Variants in CYRIB observed in about 807,000 individuals in gnomAD.
The protein encoded by CYRIB is CYFIP-related Rac1 interactor B.
CYRIB carries 8 observed loss-of-function variants against 44.2 expected under a neutral mutation model. That is an observed-to-expected ratio of 0.18 (90% CI 0.11 to 0.33). The LOEUF (loss-of-function observed/expected upper bound fraction) is 0.33, where lower values mean the gene tolerates loss of function less well. CYRIB is among the 10% of genes least tolerant of loss of function. The pLI is 1.00. For missense variants in CYRIB, 185 were observed against 382.8 expected (o/e 0.48, Z 4.31); for synonymous variants, 131 against 127.2 (o/e 1.03, Z -0.20).
intron 1 of CYRIB, among the ~76,000 whole-genome samples, chr8:129,989,939 C>T (rs1359048221): frequency 6.6e-6 from 1 of 151,958 alleles, no homozygotes; most frequent in African/African-American, 2.4e-5. Flanking sequence ...ATGATGGTTT[C>T]CAGCTTCATC....
In CYRIB at chr8:129,848,829, G is replaced by C. The variant is rs555184282; in HGVS notation, c.840+414C>G. On this transcript the variant is annotated intron_variant, in intron 10 of 11. Coordinates refer to ENST00000519824, the Ensembl canonical transcript of CYRIB. Reference sequence around the variant, plus strand: ...TCAAGTGATCCTCCTGCTTCAGCCTGCCAAAGTGCTTGGGCTACAGGCATG... The same window carrying C: ...TCAAGTGATCCTCCTGCTTCAGCCTCCCAAAGTGCTTGGGCTACAGGCATG... Among the ~76,000 whole-genome samples, 8 of 151,628 alleles carry C rather than the reference G, an allele frequency of 5.3e-5. No individual in the cohort carries two copies. The East Asian group carries it at 1.6e-3, about 29-fold the overall frequency.
intron 2 of CYRIB, among the ~76,000 whole-genome samples, chr8:129,963,208 G>T (rs1261898503): frequency 6.6e-6 from 1 of 152,176 alleles, no homozygotes; most frequent in African/African-American, 2.4e-5. Context: ...GTAAGCCTTG[G>T]CAACACTTTA....
At chr8:129,973,638 G>A (rs1349212126) in intron 1 of CYRIB, among the ~76,000 whole-genome samples, 1 of 152,132 alleles carries the variant, frequency 6.6e-6, no homozygotes, top group Non-Finnish European at 1.5e-5. Context: ...GCAGTGACCA[G>A]ACAGTGACTC....
intron 2 of CYRIB, among the ~76,000 whole-genome samples, chr8:129,963,742 A>G (rs1323238302): frequency 3.3e-5 from 5 of 152,164 alleles, no homozygotes. Flanking sequence ...CTCTGAGCCT[A>G]CAAAATACTG....
chr8:129,950,439 G>A (rs78675310), intron 2 of CYRIB, among the ~76,000 whole-genome samples: 10,181 of 152,196 alleles, frequency 0.067, 528 homozygotes, highest in East Asian at 0.26. Context: ...ACGTGGTGAC[G>A]TGCACCTGTA....
intron 1 of CYRIB, among the ~76,000 whole-genome samples, chr8:129,974,713 C>T (rs1192821460): frequency 6.7e-6 from 1 of 148,568 alleles, no homozygotes; most frequent in Non-Finnish European, 1.5e-5. Flanking sequence ...AAAAAAAAAT[C>T]ACAGATTTTT....
chr8:129,921,547 C>A (rs2083599751), intron 1 of CYRIB, among the ~76,000 whole-genome samples: 1 of 152,126 alleles, frequency 6.6e-6, no homozygotes, highest in South Asian at 2.1e-4. Context: ...CCTTAATCTC[C>A]CAGGATCACA....
At chr8:129,967,838 T>C (rs925170255) in intron 2 of CYRIB, among the ~76,000 whole-genome samples, 1 of 152,206 alleles carries the variant, frequency 6.6e-6, no homozygotes, top group African/African-American at 2.4e-5. Flanking sequence ...TGAAAGGACA[T>C]CTAATCCTTA....
At chr8:129,991,240 A>AGTTCT (rs1212512944) in intron 1 of CYRIB, among the ~76,000 whole-genome samples, 1 of 152,122 alleles carries the variant, frequency 6.6e-6, no homozygotes, top group Non-Finnish European at 1.5e-5. Context: ...CTAGGCCCTA[A>AGTTCT]CACAGTGCCT....
chr8:129,964,469 T>C (rs188608624), intron 2 of CYRIB, among the ~76,000 whole-genome samples: 1 of 152,298 alleles, frequency 6.6e-6, no homozygotes, highest in African/African-American at 2.4e-5. Context: ...AACTCAGATT[T>C]CTATGAAGCA....
rs117505870 is a variant in CYRIB, at chr8:129,860,194, C to T, written c.301+2035G>A. ...CATGATGGGACACACACCACGAGAC[C>T]GATTAATTCCCATGGTAAAAATATA... On this transcript the variant is annotated intron_variant, in intron 5 of 11. Coordinates refer to ENST00000519824, the Ensembl canonical transcript of CYRIB. 5.6e-3 allele frequency among the ~76,000 whole-genome samples: 859 copies of T among 152,230 alleles called. 3 individuals carry two copies. The highest frequency in any genetic ancestry group is 0.024 in the Middle Eastern group (7 of 294).
At chr8:129,923,830 T>C (rs763350159) in intron 1 of CYRIB, among the ~76,000 whole-genome samples, 13 of 150,322 alleles carry the variant, frequency 8.6e-5, no homozygotes, top group African/African-American at 1.2e-4. Context: ...AGGGAATATT[T>C]GCTTTAAGGA....
intron 1 of CYRIB, among the ~76,000 whole-genome samples, chr8:129,922,109 T>C (rs1446869980): frequency 6.6e-6 from 1 of 152,212 alleles, no homozygotes; most frequent in African/African-American, 2.4e-5. Context: ...GGTAACATAA[T>C]CTGGGCAGTA....
intron 3 of CYRIB, among the ~76,000 whole-genome samples, chr8:129,879,079 G>GTA (rs2060053774): frequency 1.3e-5 from 2 of 152,240 alleles, no homozygotes; most frequent in Non-Finnish European, 2.9e-5. Flanking sequence ...TCTTGAGGTA[G>GTA]TACTTGTCCT....
chr8:129,987,556 C>CT (rs35721101), intron 1 of CYRIB, among the ~76,000 whole-genome samples: 155 of 140,816 alleles, frequency 1.1e-3, no homozygotes, highest in South Asian at 4.0e-3. Flanking sequence ...TTTTTCTTGT[C>CT]TTTTTTTTTT....
intron 11 of CYRIB, among the ~76,000 whole-genome samples, chr8:129,845,912 G>GGT (rs1256512874): frequency 1.3e-5 from 2 of 152,212 alleles, no homozygotes; most frequent in Non-Finnish European, 2.9e-5. Flanking sequence ...GGGAGGCCAA[G>GGT]GTGGGTGGAT....
intron 7 of CYRIB, among the ~76,000 whole-genome samples, chr8:129,853,123 G>T (rs546726340): frequency 1.3e-5 from 2 of 152,244 alleles, no homozygotes; most frequent in African/African-American, 4.8e-5. Flanking sequence ...ACATTTCAGA[G>T]ATATTTCACT....
intron 11 of CYRIB, among the ~76,000 whole-genome samples, chr8:129,845,105 C>T (rs2039037009): frequency 6.6e-6 from 1 of 152,168 alleles, no homozygotes; most frequent in Admixed American, 6.5e-5. Context: ...GAGACTTCAA[C>T]CCTGTCTTTC....
At chr8:130,010,075 C>A (rs757646509) in intron 1 of CYRIB, among the ~76,000 whole-genome samples, 2 of 152,228 alleles carry the variant, frequency 1.3e-5, no homozygotes, top group Non-Finnish European at 2.9e-5. Flanking sequence ...GTCCTTCCCC[C>A]ACCTTCTTAT....
Sources: allele counts gnomAD v4.1 joint callset (sites outside exome capture counted in the v4.1 genomes callset), GRCh38; gene constraint gnomAD v4.1.1; transcripts MANE v1.5; gene names NCBI Gene and HGNC (gene_info 2026-07-23, HGNC 2026-07-21).